Variants in ARL14EPL observed in about 807,000 individuals in gnomAD.
The protein encoded by ARL14EPL is ARL14 effector protein-like.
Under a neutral mutation model 15.9 loss-of-function variants are expected in ARL14EPL, and 17 were observed. The observed-to-expected ratio is 1.07, with a 90% CI of 0.73 to 1.60. The LOEUF (loss-of-function observed/expected upper bound fraction) is 1.60. Ranked by LOEUF, ARL14EPL falls within the 40% of genes most tolerant of loss-of-function variation. ARL14EPL has a pLI of 0.00. For synonymous variants in ARL14EPL, 78 were observed against 63.8 expected (o/e 1.22, Z -1.06); for missense variants, 214 against 185.9 (o/e 1.15, Z -0.88).
intron 1 of ARL14EPL, among the ~76,000 whole-genome samples, chr5:116,038,110 A>G (rs1021136571): frequency 2.0e-5 from 3 of 152,220 alleles, no homozygotes; most frequent in Non-Finnish European, 4.4e-5. Context: ...AAAGTGCCTT[A>G]TATTGCTCAG....
chr5:116,058,700 T>A, intron 3 of ARL14EPL, 25 bp from the exon 4 acceptor site: 1 of 1,527,690 alleles, frequency 6.5e-7, no homozygotes, highest in African/African-American at 1.4e-5. Context: ...CACTGTCATC[T>A]TAATGTCATG....
chr5:116,047,635 A>G (rs1219119196), intron 1 of ARL14EPL, among the ~76,000 whole-genome samples: 1 of 152,174 alleles, frequency 6.6e-6, no homozygotes, highest in African/African-American at 2.4e-5. Context: ...TTGTCTCTAC[A>G]TTCTCCCTGG....
chr5:116,033,655 A>G (rs1401798526), intron 1 of ARL14EPL, among the ~76,000 whole-genome samples: 1 of 152,126 alleles, frequency 6.6e-6, no homozygotes, highest in Non-Finnish European at 1.5e-5. Context: ...ATACAGGTAG[A>G]TATTATCTAC....
chr5:116,050,610 T>C (rs1749351457), intron 1 of ARL14EPL, among the ~76,000 whole-genome samples: 1 of 152,152 alleles, frequency 6.6e-6, no homozygotes, highest in Non-Finnish European at 1.5e-5. Flanking sequence ...CGCCTAACTC[T>C]TAAGTTACTT....
At position 116,037,641 on chromosome 5, in the gene ARL14EPL, A is replaced by G. The variant is rs980491745; in HGVS notation, c.-10+5136A>G. Among the ~76,000 whole-genome samples, 3 of 152,342 alleles carry G rather than the reference A, an allele frequency of 2.0e-5. No homozygotes were observed. In the South Asian group the frequency reaches 6.2e-4, roughly 32 times the overall value. On this transcript the variant is annotated intron_variant, in intron 1 of 3. Transcript: ENST00000686077. The stretch of plus-strand genomic sequence containing the variant: ...AGGGGTTTTGTGCCATCTGCTGGAC[A>G]TAGTTATTTCACACATACAAGAGAG...
intron 1 of ARL14EPL, among the ~76,000 whole-genome samples, chr5:116,037,651 C>G (rs1256952914): frequency 6.6e-6 from 1 of 152,116 alleles, no homozygotes; most frequent in East Asian, 1.9e-4. Flanking sequence ...ATAGTTATTT[C>G]ACACATACAA....
intron 2 of ARL14EPL, chr5:116,052,074 C>T: frequency 6.2e-7 from 1 of 1,613,370 alleles, no homozygotes; most frequent in Non-Finnish European, 8.5e-7. Context: ...TCAGAGACCA[C>T]AGCTGGGGTT....
intron 1 of ARL14EPL, among the ~76,000 whole-genome samples, chr5:116,035,705 C>T (rs1561575513): frequency 2.6e-5 from 4 of 152,180 alleles, no homozygotes; most frequent in Admixed American, 2.6e-4. Context: ...ATCCAGACCT[C>T]AAGGAGAGGG....
intron 1 of ARL14EPL, among the ~76,000 whole-genome samples, chr5:116,040,777 T>G (rs1368150310): frequency 6.7e-6 from 1 of 148,354 alleles, no homozygotes; most frequent in East Asian, 2.0e-4. Context: ...GAGACCATCC[T>G]GGCTAACACG....
At chr5:116,056,406 G>T (rs1385946162) in intron 3 of ARL14EPL, among the ~76,000 whole-genome samples, 1 of 152,204 alleles carries the variant, frequency 6.6e-6, no homozygotes, top group Non-Finnish European at 1.5e-5. Flanking sequence ...CAGTGATAAT[G>T]AGCATTTTTC....
chr5:116,041,453 C>T (rs1396489), intron 1 of ARL14EPL, among the ~76,000 whole-genome samples: 129,296 of 152,182 alleles, frequency 0.85, 54,994 homozygotes, highest in African/African-American at 0.89. Context: ...TTTTAAATTG[C>T]TTTAATGATT....
At chr5:116,041,828 T>C (rs1231328485) in intron 1 of ARL14EPL, among the ~76,000 whole-genome samples, 1 of 152,010 alleles carries the variant, frequency 6.6e-6, no homozygotes, top group Admixed American at 6.5e-5. Flanking sequence ...TCAGTCTTTT[T>C]TAAAACAAAT....
chr5:116,047,756 T>C (rs1180713170), intron 1 of ARL14EPL, among the ~76,000 whole-genome samples: 1 of 128,140 alleles, frequency 7.8e-6, no homozygotes, highest in Admixed American at 8.1e-5. Flanking sequence ...GATTTCTTTA[T>C]GGTCAGTTTC....
In ARL14EPL at chr5:116,050,326, CTAAG is replaced by C. The variant is rs778349936; in HGVS notation, c.-9-1126_-9-1123del. 1.5e-3 allele frequency among the ~76,000 whole-genome samples: 223 copies of C among 152,284 alleles called. 1 individual carries two copies. The highest frequency in any genetic ancestry group is 7.5e-4 in the Non-Finnish European group (51 of 68,024). On this transcript the variant is annotated intron_variant, in intron 1 of 3. Coordinates refer to ENST00000686077, the MANE Select transcript of ARL14EPL (RefSeq NM_001195581.2). The stretch of plus-strand genomic sequence containing the variant: ...TGTGTAGCCAGCGTTTAGCTCCCAC[CTAAG>C]TAAGAACATGCAGTATTTGGTTTTC...
chr5:116,052,012 A>G, intron 2 of ARL14EPL: 1 of 1,610,878 alleles, frequency 6.2e-7, no homozygotes, highest in East Asian at 2.2e-5. Flanking sequence ...GTCCTTTACT[A>G]AGGAGCTCCT....
chr5:116,053,592 T>G (rs557649613), intron 2 of ARL14EPL, among the ~76,000 whole-genome samples: 29 of 152,064 alleles, frequency 1.9e-4, no homozygotes, highest in Admixed American at 6.6e-5. Flanking sequence ...CGGATCTACT[T>G]TGGGTTCTCA....
At chr5:116,053,409 C>T (rs6891359) in intron 2 of ARL14EPL, among the ~76,000 whole-genome samples, 7,102 of 151,336 alleles carry the variant, frequency 0.047, 539 homozygotes, top group African/African-American at 0.16. Context: ...TTGAAAATGT[C>T]CCCGTATGCC....
At chr5:116,047,043 G>T (rs1388764428) in intron 1 of ARL14EPL, among the ~76,000 whole-genome samples, 2 of 152,300 alleles carry the variant, frequency 1.3e-5, no homozygotes, top group East Asian at 3.9e-4. Flanking sequence ...CTGACCAAAA[G>T]CTGACTCAAT....
intron 1 of ARL14EPL, among the ~76,000 whole-genome samples, chr5:116,036,116 A>G (rs1481488258): frequency 1.3e-5 from 2 of 152,222 alleles, no homozygotes; most frequent in African/African-American, 2.4e-5. Context: ...TTACTCACCA[A>G]CTCAGGTCAG....
Sources: gnomAD v4.1 joint callset for allele counts (sites outside exome capture counted in the v4.1 genomes callset) on GRCh38, gnomAD v4.1.1 for gene constraint, MANE v1.5 for transcripts, NCBI Gene and HGNC (gene_info 2026-07-23, HGNC 2026-07-21) for gene names.